BIN2: variants seen among roughly 807,000 people sequenced by gnomAD.
BIN2 encodes the protein bridging integrator 2, also known as breast cancer associated protein BRAP1.
Under a neutral mutation model 67.9 loss-of-function variants are expected in BIN2, and 43 were observed. The ratio of observed to expected loss-of-function variants is 0.63; its 90% confidence interval spans 0.50 to 0.82. The LOEUF is 0.82. Ranked by LOEUF, BIN2 falls within the 40% of genes least tolerant of loss-of-function variation. The probability of loss-of-function intolerance (pLI) is 0.00; values close to 1 mark genes in which losing one functional copy is unlikely to be tolerated. For synonymous variants in BIN2, 244 were observed against 246.8 expected (o/e 0.99, Z 0.11); for missense variants, 581 against 671.6 (o/e 0.87, Z 1.49).
At chr12:51,295,571 AAAAAAAATATATATATATATATATAT>A (rs1373106660) in intron 9 of BIN2, among the ~76,000 whole-genome samples, 199 bp downstream of exon 9, 3 of 20,868 alleles carry the variant, frequency 1.4e-4, no homozygotes, top group African/African-American at 8.0e-4. Context: ...TCAAAAAAAA[AAAAAAAATATATATATATATATATAT>A]ATATATATAT....
chr12:51,283,110 C>T (rs973991089), intron 12 of BIN2, among the ~76,000 whole-genome samples: 5 of 150,736 alleles, frequency 3.3e-5, no homozygotes, highest in Admixed American at 1.3e-4. Context: ...CAAAAATTAG[C>T]CAGGCATGGT....
chr12:51,324,488 G>A, upstream of BIN2: 1 of 1,526,742 alleles, frequency 6.5e-7, no homozygotes, highest in Non-Finnish European at 8.7e-7. Context: ...AAATGATGTG[G>A]GTTCCACTCA....
At chr12:51,318,443 G>C (rs1467285764) in intron 1 of BIN2, among the ~76,000 whole-genome samples, 3 of 152,090 alleles carry the variant, frequency 2.0e-5, no homozygotes, top group Non-Finnish European at 4.4e-5. Flanking sequence ...TGTATTTTTA[G>C]TAGAGACAGG....
chr12:51,282,674 C>A (rs139885911), intron 12 of BIN2, among the ~76,000 whole-genome samples: 2,561 of 152,278 alleles, frequency 0.017, 32 homozygotes, highest in Middle Eastern at 0.099. Context: ...TGGCTCACTG[C>A]AGCTTCTTTG....
intron 1 of BIN2, among the ~76,000 whole-genome samples, chr12:51,321,818 G>C (rs1324561320): frequency 6.6e-6 from 1 of 152,180 alleles, no homozygotes; most frequent in African/African-American, 2.4e-5. Context: ...CCAACTGCTT[G>C]CAGAAAAAGC....
intron 7 of BIN2, among the ~76,000 whole-genome samples, chr12:51,297,676 CA>C (rs556844740): frequency 6.1e-4 from 93 of 152,240 alleles, no homozygotes; most frequent in African/African-American, 2.2e-3. Flanking sequence ...GCAGGAAGGC[CA>C]GGGGAGACAA....
intron 1 of BIN2, chr12:51,322,932 G>C (rs930567730): frequency 9.9e-5 from 15 of 152,260 alleles, no homozygotes; most frequent in African/African-American, 3.6e-4. Flanking sequence ...CGGGAGAGCT[G>C]GTTGCCTTTA....
At chr12:51,324,543 T>A, upstream of BIN2, 2 of 1,529,368 alleles carry the variant, frequency 1.3e-6, no homozygotes, top group Non-Finnish European at 1.7e-6. Context: ...GTTCTCTGAG[T>A]ATGCATGCGA....
chr12:51,284,587 C>T, intron 12 of BIN2, 129 bp downstream of exon 12: 6 of 662,846 alleles, frequency 9.1e-6, no homozygotes, highest in Middle Eastern at 3.7e-4. Context: ...CTGATTCCCA[C>T]CTGCTTGACT....
chr12:51,295,392 CAAAA>C (rs1178848004), intron 9 of BIN2, among the ~76,000 whole-genome samples: 21,623 of 91,746 alleles, frequency 0.24, 2,272 homozygotes, highest in East Asian at 0.44. Context: ...ACTAAAAATA[CAAAA>C]AAAAAAAAAA....
At chr12:51,290,261 T>A (rs1195460517) in intron 10 of BIN2, among the ~76,000 whole-genome samples, 1 of 151,758 alleles carries the variant, frequency 6.6e-6, no homozygotes, top group Non-Finnish European at 1.5e-5. Flanking sequence ...TCCAAGTAGC[T>A]GAGACTACAG....
chr12:51,284,742 G>A lies in BIN2; in HGVS notation c.1642C>T (p.Leu548Phe), dbSNP rs1283005011. ...QVSMVPENNN[L>F]TAPEPQEEVS... ...TCTTCTTGAGGTTCAGGTGCTGTGA[G>A]GTTGTTGTTTTCTGGTACCATGGAG... The change falls in exon 12 of 13, where the codon CTC becomes TTC. Residue 548 changes from leucine to phenylalanine, a missense_variant. Transcript: ENST00000615107. 1 of 1,613,156 alleles carries A rather than the reference G, an allele frequency of 6.2e-7. No homozygotes were observed. Among genetic ancestry groups the A allele is most frequent in the East Asian group, 2.2e-5 (1 of 44,862 alleles).
intron 2 of BIN2, among the ~76,000 whole-genome samples, chr12:51,311,363 T>C (rs1261635970): frequency 6.6e-6 from 1 of 151,524 alleles, no homozygotes; most frequent in Non-Finnish European, 1.5e-5. Context: ...TTTGTTGTAA[T>C]GAGTACATAT....
chr12:51,285,399 T>C (rs1945210552), intron 11 of BIN2, among the ~76,000 whole-genome samples: 1 of 151,846 alleles, frequency 6.6e-6, no homozygotes, highest in Non-Finnish European at 1.5e-5. Context: ...TGCACTATGA[T>C]TGCACCTGTG....
At chr12:51,299,493 T>C (rs1287219238) in intron 6 of BIN2, 114 bp downstream of exon 6, 3 of 1,074,134 alleles carry the variant, frequency 2.8e-6, no homozygotes, top group African/African-American at 3.1e-5. Flanking sequence ...TTTAGGACAC[T>C]GGATGCTGAA....
intron 1 of BIN2, among the ~76,000 whole-genome samples, chr12:51,318,004 GAAAAA>G (rs1946177185): frequency 6.6e-6 from 1 of 151,950 alleles, no homozygotes; most frequent in Non-Finnish European, 1.5e-5. Context: ...AAAAGAAAAA[GAAAAA>G]GAAAAAAGAA....
At chr12:51,298,430 G>A (rs1398494506) in intron 7 of BIN2, among the ~76,000 whole-genome samples, 1 of 152,116 alleles carries the variant, frequency 6.6e-6, no homozygotes, top group African/African-American at 2.4e-5. Context: ...GCACGTGCCT[G>A]TAGTCCCAGC....
At chr12:51,285,154 G>A (rs995758494) in intron 11 of BIN2, among the ~76,000 whole-genome samples, 17 of 152,146 alleles carry the variant, frequency 1.1e-4, no homozygotes, top group African/African-American at 3.1e-4. Flanking sequence ...TAGATGAACC[G>A]TCCTCAAGAA....
At chr12:51,301,270 T>C (rs1286709960) in intron 5 of BIN2, among the ~76,000 whole-genome samples, 2 of 152,016 alleles carry the variant, frequency 1.3e-5, no homozygotes, top group Admixed American at 1.3e-4. Flanking sequence ...AATGAATAGA[T>C]GAATTCTAAT....
Sources: gnomAD v4.1 joint callset for allele counts (sites outside exome capture counted in the v4.1 genomes callset) on GRCh38, gnomAD v4.1.1 for gene constraint, MANE v1.5 for transcripts, NCBI Gene and HGNC (gene_info 2026-07-23, HGNC 2026-07-21) for gene names.